The following MGAT4C variants were observed in gnomAD, a reference collection of about 807,000 sequenced individuals.
The protein encoded by MGAT4C is MGAT4 family member C, also known as alpha-1,3-mannosyl-glycoprotein 4-beta-N-acetylglucosaminyltransferase C.
In MGAT4C, 19 loss-of-function variants were observed where a neutral mutation model predicts 40.1. The observed-to-expected ratio is 0.47, with a 90% CI of 0.33 to 0.70. The LOEUF (loss-of-function observed/expected upper bound fraction) is 0.70, where lower values mean the gene tolerates loss of function less well. Ranked by LOEUF, MGAT4C falls within the 30% of genes least tolerant of loss-of-function variation. The pLI is 0.02. For synonymous variants in MGAT4C, 181 were observed against 187.1 expected (o/e 0.97, Z 0.27); for missense variants, 491 against 563.2 (o/e 0.87, Z 1.30).
At chr12:86,535,287 ACAT>A (rs1959049607) in intron 2 of MGAT4C, among the ~76,000 whole-genome samples, 1 of 152,246 alleles carries the variant, frequency 6.6e-6, no homozygotes, top group South Asian at 2.1e-4. Context: ...TAATTTTCAC[ACAT>A]CATAATTTTT....
intron 1 of MGAT4C, among the ~76,000 whole-genome samples, chr12:86,774,345 C>CTTTCTTTCTTTCTTTCTT (rs1951708548): frequency 1.4e-3 from 21 of 14,920 alleles, no homozygotes; most frequent in South Asian, 2.5e-3. Context: ...CTTTCTGTCT[C>CTTTCTTTCTTTCTTTCTT]TCTCTCTCCC....
At chr12:86,039,640 C>G (rs1189497906) in intron 2 of MGAT4C, among the ~76,000 whole-genome samples, 1 of 152,006 alleles carries the variant, frequency 6.6e-6, no homozygotes, top group East Asian at 1.9e-4. Context: ...TTTCAAGGCT[C>G]TTAGCTTCCT....
intron 2 of MGAT4C, among the ~76,000 whole-genome samples, chr12:86,686,175 G>A (rs926733734): frequency 5.9e-5 from 9 of 151,872 alleles, no homozygotes; most frequent in African/African-American, 1.9e-4. Flanking sequence ...CACTGCACCC[G>A]GCTGAATGCT....
At chr12:86,187,152 A>C (rs532822986) in intron 1 of MGAT4C, among the ~76,000 whole-genome samples, 2 of 152,034 alleles carry the variant, frequency 1.3e-5, no homozygotes, top group Non-Finnish European at 2.9e-5. Context: ...ACATTCTATC[A>C]ACCATTTTAT....
chr12:86,415,575 A>G (rs539149371), intron 3 of MGAT4C, among the ~76,000 whole-genome samples: 1 of 152,092 alleles, frequency 6.6e-6, no homozygotes, highest in East Asian at 1.9e-4. Flanking sequence ...CCTATGCACA[A>G]TGGATTCATC....
chr12:86,101,651 A>T (rs1875079870), intron 1 of MGAT4C, among the ~76,000 whole-genome samples: 1 of 151,874 alleles, frequency 6.6e-6, no homozygotes, highest in African/African-American at 2.4e-5. Flanking sequence ...CTTTACAATC[A>T]TCTATGTAGG....
chr12:86,452,901 G>A (rs1957450145), intron 2 of MGAT4C, among the ~76,000 whole-genome samples: 1 of 152,060 alleles, frequency 6.6e-6, no homozygotes, highest in African/African-American at 2.4e-5. Flanking sequence ...AGAGAATGGA[G>A]GTAAATGATG....
intron 1 of MGAT4C, among the ~76,000 whole-genome samples, chr12:86,188,306 T>C (rs61948963): frequency 0.083 from 12,652 of 152,042 alleles, 630 homozygotes; most frequent in Middle Eastern, 0.22. Context: ...GGTGGCAGGA[T>C]ACAAAAGAAA....
intron 2 of MGAT4C, among the ~76,000 whole-genome samples, chr12:86,540,082 A>T (rs1165456358): frequency 1.3e-5 from 2 of 152,150 alleles, no homozygotes; most frequent in Non-Finnish European, 2.9e-5. Context: ...TGTTTTAGTC[A>T]TGAAGTCCTT....
At chr12:86,036,691 C>T (rs976089226) in intron 2 of MGAT4C, among the ~76,000 whole-genome samples, 4 of 149,870 alleles carry the variant, frequency 2.7e-5, no homozygotes, top group Non-Finnish European at 4.5e-5. Flanking sequence ...CTGCTGGATT[C>T]GGTTTCCAGT....
intron 1 of MGAT4C, among the ~76,000 whole-genome samples, chr12:86,814,816 C>T (rs997716460): frequency 4.6e-5 from 7 of 151,954 alleles, no homozygotes; most frequent in African/African-American, 1.7e-4. Flanking sequence ...GAAAATGTGG[C>T]CTCTATGAAC....
At chr12:86,806,625 C>T (rs143240815) in intron 1 of MGAT4C, among the ~76,000 whole-genome samples, 1 of 152,118 alleles carries the variant, frequency 6.6e-6, no homozygotes, top group Non-Finnish European at 1.5e-5. Flanking sequence ...TGCCACTGAT[C>T]ACCTCCACTT....
At position 86,804,350 on chromosome 12, in the gene MGAT4C, G is replaced by A. The variant is rs1039919574; in HGVS notation, c.-262+34316C>T. 2.4e-4 allele frequency among the ~76,000 whole-genome samples: 35 copies of A among 147,140 alleles called. No homozygotes were observed. The East Asian group carries it at 3.5e-3, about 15-fold the overall frequency. Reference sequence around the variant, plus strand: ...GTTAGTGGGTGCAGCGCACCAGCACGGCACATGTATACATATGTAACTAAG... The same window carrying A: ...GTTAGTGGGTGCAGCGCACCAGCACAGCACATGTATACATATGTAACTAAG... On this transcript the variant is annotated intron_variant, in intron 1 of 7. Transcript: ENST00000548651.
At chr12:86,783,018 T>G (rs1179358221) in intron 1 of MGAT4C, among the ~76,000 whole-genome samples, 2 of 152,206 alleles carry the variant, frequency 1.3e-5, no homozygotes, top group African/African-American at 4.8e-5. Flanking sequence ...TGTTTTTATG[T>G]TATGTCCTCC....
chr12:86,513,178 A>T (rs749466217), intron 2 of MGAT4C, among the ~76,000 whole-genome samples: 14 of 152,188 alleles, frequency 9.2e-5, no homozygotes, highest in Non-Finnish European at 1.9e-4. Flanking sequence ...ACCAAGAAGT[A>T]AAACAGCAAC....
chr12:86,449,213 C>A (rs1371745004), intron 2 of MGAT4C, among the ~76,000 whole-genome samples: 1 of 152,092 alleles, frequency 6.6e-6, no homozygotes, highest in South Asian at 2.1e-4. Context: ...ATATTTATGG[C>A]AATGCCTGTT....
chr12:86,288,999 A>G (rs896176109), intron 4 of MGAT4C, among the ~76,000 whole-genome samples: 10 of 152,130 alleles, frequency 6.6e-5, no homozygotes, highest in Admixed American at 5.2e-4. Context: ...GCCTATGTTC[A>G]GAATGGTATT....
chr12:86,088,852 A>C (rs187131559), intron 1 of MGAT4C, among the ~76,000 whole-genome samples: 14 of 152,176 alleles, frequency 9.2e-5, no homozygotes, highest in African/African-American at 3.1e-4. Flanking sequence ...TCAAGGACCT[A>C]AAAGTAGAAC....
At chr12:86,639,651 C>T (rs1743306760) in intron 2 of MGAT4C, among the ~76,000 whole-genome samples, 1 of 151,662 alleles carries the variant, frequency 6.6e-6, no homozygotes, top group Admixed American at 6.6e-5. Flanking sequence ...GCAAAATTAT[C>T]ATTTTACAAT....
Sources: allele counts gnomAD v4.1 joint callset (sites outside exome capture counted in the v4.1 genomes callset), GRCh38; gene constraint gnomAD v4.1.1; transcripts MANE v1.5; gene names NCBI Gene and HGNC (gene_info 2026-07-23, HGNC 2026-07-21).